Variants in AFDN observed in about 807,000 individuals in gnomAD.
AFDN encodes the protein afadin.
AFDN carries 68 observed loss-of-function variants against 216.6 expected under a neutral mutation model. The observed-to-expected ratio is 0.31, with a 90% CI of 0.26 to 0.38. The LOEUF is 0.38. AFDN is among the 10% of genes least tolerant of loss of function. The pLI, the probability that AFDN is intolerant of heterozygous loss-of-function variation, is 1.00. For synonymous variants in AFDN, 868 were observed against 853.7 expected, an observed-to-expected ratio of 1.02 and a Z score of -0.29; for missense variants, 2,136 against 2,342.0, an observed-to-expected ratio of 0.91 and a Z score of 1.82.
intron 30 of AFDN, among the ~76,000 whole-genome samples, chr6:167,955,111 A>G (rs1796364250): frequency 6.6e-6 from 1 of 152,162 alleles, no homozygotes; most frequent in Non-Finnish European, 1.5e-5. Flanking sequence ...TTTAGGGCCC[A>G]TTATGCTTGC....
intron 1 of AFDN, among the ~76,000 whole-genome samples, chr6:167,845,099 T>C (rs1251261371): frequency 2.0e-5 from 3 of 152,122 alleles, no homozygotes; most frequent in Admixed American, 6.5e-5. Flanking sequence ...TGGGCTCAAA[T>C]GGTCTGCCTG....
intron 5 of AFDN, among the ~76,000 whole-genome samples, chr6:167,878,172 A>G (rs1326871568): frequency 1.3e-5 from 2 of 151,986 alleles, no homozygotes; most frequent in East Asian, 3.9e-4. Flanking sequence ...GTAGCGGGGC[A>G]CTGTGAAGTG....
At chr6:167,867,884 A>G (rs1322577708) in intron 2 of AFDN, among the ~76,000 whole-genome samples, 1 of 152,118 alleles carries the variant, frequency 6.6e-6, no homozygotes, top group African/African-American at 2.4e-5. Flanking sequence ...GTCATTTTTT[A>G]TGGGGAGGGT....
At chr6:167,933,528 C>T (rs922225018) in intron 23 of AFDN, among the ~76,000 whole-genome samples, 2 of 152,106 alleles carry the variant, frequency 1.3e-5, no homozygotes, top group Non-Finnish European at 2.9e-5. Context: ...CAGGAAATTC[C>T]GGGTTCCTTT....
chr6:167,871,968 G>T (rs777354331), intron 3 of AFDN, among the ~76,000 whole-genome samples: 17 of 152,138 alleles, frequency 1.1e-4, no homozygotes, highest in Non-Finnish European at 8.8e-5. Context: ...TTTTAAATGA[G>T]GTAAAATATA....
At chr6:167,922,720 G>A in intron 21 of AFDN, 136 bp from the exon 22 acceptor site, 2 of 555,754 alleles carry the variant, frequency 3.6e-6, no homozygotes, top group South Asian at 2.6e-5. Flanking sequence ...AATTCAGTTT[G>A]CAGAGGGGAT....
chr6:167,898,709 T>C (rs1788581307), intron 11 of AFDN, among the ~76,000 whole-genome samples: 1 of 152,242 alleles, frequency 6.6e-6, no homozygotes, highest in Non-Finnish European at 1.5e-5. Flanking sequence ...TAAACTTTGT[T>C]TTTTAGCCAG....
intron 6 of AFDN, among the ~76,000 whole-genome samples, chr6:167,888,158 G>A (rs1044175112): frequency 5.3e-5 from 8 of 152,178 alleles, no homozygotes; most frequent in African/African-American, 1.9e-4. Context: ...AGTAGTATGT[G>A]TTCTAAGCCA....
At chr6:167,949,510 T>C (rs1168960736) in intron 29 of AFDN, among the ~76,000 whole-genome samples, 1 of 152,138 alleles carries the variant, frequency 6.6e-6, no homozygotes, top group East Asian at 1.9e-4. Context: ...ATCTTGGCCT[T>C]TTGTCTGGTG....
intron 1 of AFDN, among the ~76,000 whole-genome samples, chr6:167,862,248 AGTGCGTAGGAC>A (rs1783663965): frequency 6.6e-6 from 1 of 152,214 alleles, no homozygotes; most frequent in African/African-American, 2.4e-5. Flanking sequence ...CTGGGGAGAC[AGTGCGTAGGAC>A]GTGGTCAGCA....
intron 23 of AFDN, among the ~76,000 whole-genome samples, chr6:167,935,918 T>C (rs990984632): frequency 1.3e-5 from 2 of 152,210 alleles, no homozygotes; most frequent in African/African-American, 4.8e-5. Context: ...ATAACAAACA[T>C]ACTATGAAAA....
chr6:167,826,667 G>A (rs138026004), upstream of AFDN: 8,892 of 473,240 alleles, frequency 0.019, 146 homozygotes, highest in Non-Finnish European at 0.029. Context: ...AGCACCGCTG[G>A]TCGGGAAGGA....
chr6:167,869,671 C>T (rs993095453), intron 2 of AFDN, among the ~76,000 whole-genome samples: 2 of 152,152 alleles, frequency 1.3e-5, no homozygotes, highest in Admixed American at 6.5e-5. Context: ...CAGCTTCCAG[C>T]GACCGTAGGC....
At chr6:167,903,773 C>CT (rs1467613517) in intron 12 of AFDN, among the ~76,000 whole-genome samples, 2 of 152,204 alleles carry the variant, frequency 1.3e-5, no homozygotes, top group Admixed American at 1.3e-4. Context: ...CTTCCAAACT[C>CT]TATGTTCTTT....
At chr6:167,924,751 C>A (rs573517170) in intron 22 of AFDN, among the ~76,000 whole-genome samples, 24 of 152,268 alleles carry the variant, frequency 1.6e-4, no homozygotes, top group African/African-American at 4.8e-4. Context: ...AAACTAAGTT[C>A]TTCAAATCAA....
chr6:167,952,424 C>T (rs1382912779), intron 30 of AFDN: 2 of 985,182 alleles, frequency 2.0e-6, no homozygotes, highest in African/African-American at 1.7e-5. Context: ...TCAAATGGAA[C>T]TTGATTGTTT....
At chr6:167,892,441 C>G (rs906170029) in intron 8 of AFDN, among the ~76,000 whole-genome samples, 2 of 152,224 alleles carry the variant, frequency 1.3e-5, no homozygotes, top group East Asian at 3.9e-4. Context: ...GGTATTGGGT[C>G]TGCCCTTTAA....
intron 25 of AFDN, 126 bp downstream of exon 25, chr6:167,943,601 TG>T: frequency 1.4e-6 from 1 of 698,252 alleles, no homozygotes; most frequent in Non-Finnish European, 2.5e-6. Context: ...CCTTTTATAG[TG>T]TACGTGACAT....
Position 167,961,929 on chromosome 6 carries a change from C to T in AFDN, c.4834-504C>T, listed in dbSNP as rs143925388. On this transcript the variant is annotated intron_variant, in intron 30 of 33. Transcript: ENST00000683244. ...TCCCCGGGAAAGATGGACGACTGCC[C>T]GGCCCACTGGAGTCACATATGCTGC... 2.0e-3 allele frequency among the ~76,000 whole-genome samples: 299 copies of T among 152,222 alleles called. 1 individual carries two copies. Among genetic ancestry groups the T allele is most frequent in the Non-Finnish European group, 3.5e-3 (241 of 68,006 alleles).
Sources: gnomAD v4.1 joint callset for allele counts (sites outside exome capture counted in the v4.1 genomes callset) on GRCh38, gnomAD v4.1.1 for gene constraint, MANE v1.5 for transcripts, NCBI Gene and HGNC (gene_info 2026-07-23, HGNC 2026-07-21) for gene names.